PAK2: variants seen among roughly 807,000 people sequenced by gnomAD.
PAK2 encodes the protein serine/threonine-protein kinase PAK 2.
PAK2 carries 21 observed loss-of-function variants against 65.9 expected under a neutral mutation model. That is an observed-to-expected ratio of 0.32 (90% CI 0.23 to 0.46). PAK2 has a LOEUF of 0.46. PAK2 is among the 20% of genes least tolerant of loss of function. PAK2 has a pLI of 1.00. For missense variants in PAK2, 324 were observed against 642.6 expected, an observed-to-expected ratio of 0.50 and a Z score of 5.36; for synonymous variants, 204 against 219.7, an observed-to-expected ratio of 0.93 and a Z score of 0.63.
chr3:196,804,297 A>C (rs1384432390), intron 4 of PAK2, among the ~76,000 whole-genome samples: 1 of 152,192 alleles, frequency 6.6e-6, no homozygotes, highest in Non-Finnish European at 1.5e-5. Context: ...TGAGTCTAGT[A>C]CACCGTTAGG....
intron 11 of PAK2, among the ~76,000 whole-genome samples, chr3:196,815,817 C>T (rs1252919095): frequency 6.6e-6 from 1 of 151,776 alleles, no homozygotes; most frequent in African/African-American, 2.4e-5. Flanking sequence ...ATACGCCACT[C>T]AACCGTGGAA....
At chr3:196,798,887 G>T (rs776654584) in intron 2 of PAK2, among the ~76,000 whole-genome samples, 9 of 152,062 alleles carry the variant, frequency 5.9e-5, no homozygotes, top group Non-Finnish European at 1.2e-4. Flanking sequence ...AGAAGAGAAT[G>T]CCCTTTAGCC....
intron 10 of PAK2, among the ~76,000 whole-genome samples, chr3:196,813,391 G>C (rs1252697904): frequency 6.6e-6 from 1 of 150,808 alleles, no homozygotes; most frequent in African/African-American, 2.4e-5. Flanking sequence ...CCAGGAGGTG[G>C]AGGTTGCAGT....
At chr3:196,741,829 T>A (rs1713200624) in intron 1 of PAK2, among the ~76,000 whole-genome samples, 1 of 151,624 alleles carries the variant, frequency 6.6e-6, no homozygotes, top group Non-Finnish European at 1.5e-5. Flanking sequence ...AAACTTGGTC[T>A]GTAGATGTTG....
chr3:196,750,905 A>C (rs1713557522), intron 1 of PAK2, among the ~76,000 whole-genome samples: 1 of 152,098 alleles, frequency 6.6e-6, no homozygotes, highest in African/African-American at 2.4e-5. Context: ...TTACCATCTT[A>C]AACGTTCTTA....
chr3:196,753,383 T>C (rs1466025889), intron 1 of PAK2, among the ~76,000 whole-genome samples: 1 of 151,788 alleles, frequency 6.6e-6, no homozygotes, highest in African/African-American at 2.4e-5. Context: ...TAGCTGGGAC[T>C]ACAGGCACAT....
intron 11 of PAK2, 75 bp from the exon 12 acceptor site, chr3:196,817,982 G>T (rs1577747487): frequency 1.5e-6 from 1 of 670,742 alleles, no homozygotes; most frequent in South Asian, 1.8e-5. Flanking sequence ...CAATGCTCAG[G>T]CCATAGCTAC....
In PAK2 at chr3:196,791,881, C is replaced by T. The variant is rs113634504; in HGVS notation, c.187+9048C>T. ...GGAGCTTGCAGTGGAGCTGTGATCG[C>T]GCCACCGCACTCCAACCTGGGCGAC... On this transcript the variant is annotated intron_variant, in intron 2 of 14. Transcript: ENST00000327134. The surrounding 1 kb of genome is among the most constrained non-coding windows in gnomAD (Gnocchi z 4.0). Among the ~76,000 whole-genome samples the T allele has an allele frequency of 0.025, 3,739 of 151,176 alleles. 70 individuals are homozygous for T. Among genetic ancestry groups the T allele is most frequent in the Non-Finnish European group, 0.041 (2,802 of 67,860 alleles).
rs79104259 is a variant in PAK2, at chr3:196,808,175, G to T, written c.709+261G>T. The T allele has an allele frequency of 1.9e-3, 530 of 273,714 alleles. 2 individuals are homozygous for T. The highest frequency in any genetic ancestry group is 0.011 in the African/African-American group (488 of 44,218). The allele number at this position is 273,714 out of a possible 1,614,324, so 17.0% of individuals were successfully genotyped here. On this transcript the variant is annotated intron_variant, in intron 7 of 14. Coordinates refer to ENST00000327134, the MANE Select transcript of PAK2 (RefSeq NM_002577.4). ...TCTACTAAAAATACAAAAATTAGCTGGATGTGCTGGCATGTGCCTGTAATC... is the reference window on the plus strand; with the variant it reads ...TCTACTAAAAATACAAAAATTAGCTTGATGTGCTGGCATGTGCCTGTAATC...
intron 8 of PAK2, among the ~76,000 whole-genome samples, chr3:196,811,633 A>G (rs895766352): frequency 6.6e-6 from 1 of 151,910 alleles, no homozygotes; most frequent in Non-Finnish European, 1.5e-5. Flanking sequence ...TTGAGCATGA[A>G]TGAACAAGCA....
intron 1 of PAK2, among the ~76,000 whole-genome samples, chr3:196,773,262 C>CT (rs925616042): frequency 4.6e-5 from 7 of 151,958 alleles, no homozygotes; most frequent in South Asian, 2.1e-4. Flanking sequence ...ACCGTTTGCT[C>CT]TTTTTTTTGT....
rs1193298538 is a variant in PAK2, at chr3:196,740,075, G to A, written c.-104G>A. On this transcript the variant is annotated 5_prime_UTR_variant, in exon 1 of 15. Coordinates refer to ENST00000327134, the MANE Select transcript of PAK2 (RefSeq NM_002577.4). ...CCCTCCCCTCCCCTCCCCGCACCGC[G>A]CGCTAGCCCGGGGCGGCTCCGCAGC... is the stretch of plus-strand genomic sequence containing the variant. The A allele has an allele frequency of 6.8e-6, 1 of 147,124 alleles. No individual in the cohort carries two copies. Among genetic ancestry groups the A allele is most frequent in the East Asian group, 2.2e-4 (1 of 4,554 alleles). The allele number at this position is 147,124 out of a possible 1,614,324, so 9.1% of individuals were successfully genotyped here. A position where few individuals can be genotyped will look rare whatever the true frequency, so the allele number is the denominator to read the frequency against.
At position 196,791,014 on chromosome 3, in the gene PAK2, A is replaced by G. The variant is rs1044283375; in HGVS notation, c.187+8181A>G. ...TTCAGCCAAACTTTGAAGCTATGCA[A>G]AACTCCCCGGCCTTCCAAGCAGGTT... On this transcript the variant is annotated intron_variant, in intron 2 of 14. Transcript: ENST00000327134. The surrounding 1 kb of genome is among the most constrained non-coding windows in gnomAD (Gnocchi z 4.0). 3.9e-5 allele frequency among the ~76,000 whole-genome samples: 6 copies of G among 152,146 alleles called. No individual in the cohort carries two copies. The highest frequency in any genetic ancestry group is 5.9e-5 in the Non-Finnish European group (4 of 68,022).
Position 196,826,792 on chromosome 3 carries a change from G to A in PAK2, c.1351-404G>A, listed in dbSNP as rs566493769. ...AAAGATTAGCAGGTCATGGTGGTAT[G>A]CATCTGTAATCCCAGCTACTCGGGA... On this transcript the variant is annotated intron_variant, in intron 13 of 14. Transcript: ENST00000327134. Among the ~76,000 whole-genome samples the A allele has an allele frequency of 3.9e-5, 6 of 151,992 alleles. 1 individual carries two copies. In the South Asian group the frequency reaches 1.2e-3, roughly 32 times the overall value.
intron 1 of PAK2, among the ~76,000 whole-genome samples, chr3:196,751,249 C>T (rs1713569093): frequency 6.6e-6 from 1 of 152,102 alleles, no homozygotes; most frequent in South Asian, 2.1e-4. Context: ...ATCCAAAATC[C>T]GAAATGCTCC....
At chr3:196,778,026 A>G (rs1714590639) in intron 1 of PAK2, among the ~76,000 whole-genome samples, 1 of 152,014 alleles carries the variant, frequency 6.6e-6, no homozygotes, top group African/African-American at 2.4e-5. Context: ...CTTGATACCC[A>G]TTAGGAGCCC....
chr3:196,782,547 G>A, intron 1 of PAK2, 79 bp from the exon 2 acceptor site: 1 of 641,458 alleles, frequency 1.6e-6, no homozygotes, highest in Non-Finnish European at 2.7e-6. Flanking sequence ...GGGAGTTGTG[G>A]CAGGGGTAGT....
chr3:196,780,726 C>T (rs1378571496), intron 1 of PAK2, among the ~76,000 whole-genome samples: 1 of 152,186 alleles, frequency 6.6e-6, no homozygotes, highest in African/African-American at 2.4e-5. Context: ...GCTAGTGACA[C>T]ACTCCCATCA....
chr3:196,827,885 T>C (rs1053763843), intron 14 of PAK2, among the ~76,000 whole-genome samples: 3 of 132,774 alleles, frequency 2.3e-5, no homozygotes, highest in African/African-American at 8.6e-5. Flanking sequence ...CTGTTTACAG[T>C]TTGTGCATCG....
Sources: allele counts gnomAD v4.1 joint callset (sites outside exome capture counted in the v4.1 genomes callset), GRCh38; gene constraint gnomAD v4.1.1; non-coding constraint Gnocchi (gnomAD v3.1); transcripts MANE v1.5; gene names NCBI Gene and HGNC (gene_info 2026-07-23, HGNC 2026-07-21).